The following INTS4 variants were observed in gnomAD, a reference collection of about 807,000 sequenced individuals.
INTS4 encodes the protein MSTP093.
A neutral mutation model predicts 119.5 loss-of-function variants in INTS4; 70 were observed. That is an observed-to-expected ratio of 0.59 (90% CI 0.48 to 0.71). INTS4 has a LOEUF of 0.71. Among genes scored for constraint, INTS4 ranks in the 30% least tolerant of loss-of-function variants. The pLI is 0.00. For missense variants in INTS4, 867 were observed against 1,173.2 expected (o/e 0.74, Z 3.81); for synonymous variants, 316 against 419.6 (o/e 0.75, Z 3.02).
intron 18 of INTS4, among the ~76,000 whole-genome samples, chr11:77,897,676 T>A (rs1952589116): frequency 1.3e-5 from 2 of 151,302 alleles, no homozygotes; most frequent in Non-Finnish European, 2.9e-5. Context: ...AATTTTTTTT[T>A]TTTTATTTTT....
chr11:77,987,551 C>A, intron 2 of INTS4: 1 of 421,232 alleles, frequency 2.4e-6, no homozygotes, highest in South Asian at 1.6e-5. Context: ...ACTGAGAGAT[C>A]GAAAACTTCT....
intron 4 of INTS4, among the ~76,000 whole-genome samples, chr11:77,963,705 T>C (rs1238081566): frequency 1.3e-5 from 2 of 151,876 alleles, no homozygotes; most frequent in African/African-American, 2.4e-5. Flanking sequence ...TCTTTTGAGA[T>C]AAGGGTCTCG....
At chr11:77,909,533 C>T (rs897423829) in intron 15 of INTS4, among the ~76,000 whole-genome samples, 1 of 152,174 alleles carries the variant, frequency 6.6e-6, no homozygotes, top group Non-Finnish European at 1.5e-5. Flanking sequence ...CATTCATGAC[C>T]TAATCACCTC....
chr11:77,974,242 T>TC (rs1401771834), intron 4 of INTS4, among the ~76,000 whole-genome samples: 1 of 141,202 alleles, frequency 7.1e-6, no homozygotes, highest in Non-Finnish European at 1.5e-5. Context: ...TCTTTTCTTT[T>TC]TTTTTTTTTT....
At chr11:77,984,957 C>T (rs754650073) in intron 2 of INTS4, among the ~76,000 whole-genome samples, 3 of 148,360 alleles carry the variant, frequency 2.0e-5, no homozygotes, top group Non-Finnish European at 4.5e-5. Flanking sequence ...GACCTAGTGA[C>T]ATTCCTTATC....
At chr11:77,876,614 C>T (rs759192165), downstream of INTS4, among the ~76,000 whole-genome samples, 4 of 152,198 alleles carry the variant, frequency 2.6e-5, no homozygotes, top group South Asian at 2.1e-4. Flanking sequence ...ATTCTATACC[C>T]CCTAGTACAG....
rs1457469965 is a variant in INTS4 at position 77,879,116 on chromosome 11, C to T, written c.2725G>A (p.Val909Met). The T allele has an allele frequency of 6.2e-7, 1 of 1,614,072 alleles. No individual in the cohort carries two copies. The highest frequency in any genetic ancestry group is 8.5e-7 in the Non-Finnish European group (1 of 1,180,002). The change falls in exon 23 of 23, where the codon GTG becomes ATG. Residue 909 changes from valine to methionine, a missense_variant. Physicochemically the swap from Val to Met is conservative, Grantham distance 21 (BLOSUM62 1). Around this residue, in one of 5 missense-constraint regions of INTS4, gnomAD observed 122 missense variants for 133.2 expected, o/e 0.92. Transcript: ENST00000534064. ...TAGGCCAGCAGCAGCCTCACTTCCA[C>T]CTGGCATGCCTCTGAAAAAAAGATA... The part of the protein sequence containing the change: ...SHTAWTEACQ[V>M]EVRLLLAYNS...
At chr11:77,959,987 G>A (rs1954425726) in intron 6 of INTS4, among the ~76,000 whole-genome samples, 1 of 152,004 alleles carries the variant, frequency 6.6e-6, no homozygotes. Context: ...TCTAGTTTGT[G>A]AAGTGTGGTG....
At chr11:77,935,910 G>GAAAAGAAAGAGAGAAAAAAC (rs1338613292) in intron 10 of INTS4, among the ~76,000 whole-genome samples, 1 of 137,394 alleles carries the variant, frequency 7.3e-6, no homozygotes, top group Non-Finnish European at 1.5e-5. Flanking sequence ...AAAAAAAAAA[G>GAAAAGAAAGAGAGAAAAAAC]AAAAGAAGAG....
At chr11:77,933,616 C>G (rs988480528) in intron 10 of INTS4, among the ~76,000 whole-genome samples, 1 of 152,212 alleles carries the variant, frequency 6.6e-6, no homozygotes, top group Non-Finnish European at 1.5e-5. Context: ...TCCCAAAGTG[C>G]CGAGATTGCA....
At chr11:77,948,989 G>T (rs1219287543) in intron 8 of INTS4, among the ~76,000 whole-genome samples, 1 of 151,938 alleles carries the variant, frequency 6.6e-6, no homozygotes, top group Non-Finnish European at 1.5e-5. Context: ...CTGGTTTTTA[G>T]TTTTTTTTAG....
In INTS4 at chr11:77,991,290, C is replaced by T; in HGVS notation, c.64G>A (p.Glu22Lys). The part of the protein sequence containing the change: ...EFTKVVQPQE[E>K]IATKKLRLTK... ...AGTCGGAGTTTCTTAGTAGCAATTT[C>T]CTCCTGTGGCTGCAAGGGGTAGAGA... Residue 22 changes from glutamate (E) to lysine (K), a missense_variant, in exon 2 of 23, where the codon GAA becomes AAA. Glu to Lys is a moderately conservative substitution (Grantham distance 56, BLOSUM62 1). This residue lies in a region of INTS4 where 224 missense variants were observed against 231.8 expected (regional missense o/e 0.97). Transcript: ENST00000534064. The T allele has an allele frequency of 6.2e-7, 1 of 1,612,924 alleles. No homozygotes were observed. The highest frequency in any genetic ancestry group is 8.5e-7 in the Non-Finnish European group (1 of 1,178,986).
chr11:77,877,125 G>T (rs969484318), downstream of INTS4: 2 of 680,612 alleles, frequency 2.9e-6, no homozygotes, highest in Non-Finnish European at 5.4e-6. Flanking sequence ...TCATGACCTC[G>T]TGGAAATAGA....
At chr11:77,953,563 A>G (rs1469579810) in intron 8 of INTS4, among the ~76,000 whole-genome samples, 8 of 149,438 alleles carry the variant, frequency 5.4e-5, no homozygotes, top group African/African-American at 1.7e-4. Flanking sequence ...TTACAAAACA[A>G]TTTTATCCCT....
intron 15 of INTS4, among the ~76,000 whole-genome samples, chr11:77,911,813 C>T (rs1953093567): frequency 6.6e-6 from 1 of 152,190 alleles, no homozygotes; most frequent in Non-Finnish European, 1.5e-5. Flanking sequence ...CTTACTTGAG[C>T]TCACTTAATC....
At chr11:77,954,458 G>A (rs1468176205) in intron 8 of INTS4, among the ~76,000 whole-genome samples, 1 of 152,042 alleles carries the variant, frequency 6.6e-6, no homozygotes, top group Non-Finnish European at 1.5e-5. Context: ...ACTGGATAAT[G>A]GCATCTATCC....
intron 4 of INTS4, among the ~76,000 whole-genome samples, chr11:77,966,570 T>A (rs577759729): frequency 6.6e-6 from 1 of 152,338 alleles, no homozygotes; most frequent in East Asian, 1.9e-4. Context: ...CAGTGTGTGT[T>A]CTTGGCACCA....
chr11:77,932,238 T>TA (rs199701526), intron 10 of INTS4, among the ~76,000 whole-genome samples: 28,327 of 151,294 alleles, frequency 0.19, 2,685 homozygotes, highest in Middle Eastern at 0.23. Context: ...TAAACAAATT[T>TA]CCAAAAAACA....
downstream of INTS4, chr11:77,877,114 C>T (rs1951619896): frequency 1.4e-6 from 1 of 690,546 alleles, no homozygotes; most frequent in South Asian, 1.5e-5. Context: ...CTCTTTCGCA[C>T]TCATGACCTC....
Sources: allele counts gnomAD v4.1 joint callset (sites outside exome capture counted in the v4.1 genomes callset), GRCh38; gene constraint gnomAD v4.1.1; regional missense constraint gnomAD v4.1.1; transcripts MANE v1.5; gene names NCBI Gene and HGNC (gene_info 2026-07-23, HGNC 2026-07-21).